Variants in SAMD4A observed in about 807,000 individuals in gnomAD.
SAMD4A encodes the protein sterile alpha motif domain containing 4A, also known as protein Smaug homolog 1.
SAMD4A carries 33 observed loss-of-function variants against 81.3 expected under a neutral mutation model. The ratio of observed to expected loss-of-function variants is 0.41; its 90% confidence interval spans 0.31 to 0.54. The LOEUF (loss-of-function observed/expected upper bound fraction) is 0.54. Ranked by LOEUF, SAMD4A falls within the 20% of genes least tolerant of loss-of-function variation. The pLI is 0.37. For missense variants in SAMD4A, 854 were observed against 951.1 expected, an observed-to-expected ratio of 0.90 and a Z score of 1.34; for synonymous variants, 389 against 382.1, an observed-to-expected ratio of 1.02 and a Z score of -0.21.
chr14:54,602,375 C>CACACACAT (rs1491307995), intron 2 of SAMD4A, among the ~76,000 whole-genome samples: 22 of 134,558 alleles, frequency 1.6e-4, no homozygotes, highest in African/African-American at 5.8e-4. Flanking sequence ...CACACACACA[C>CACACACAT]GAAACACCAG....
chr14:54,785,041 C>T (rs1303760940), intron 12 of SAMD4A, among the ~76,000 whole-genome samples: 2 of 152,238 alleles, frequency 1.3e-5, no homozygotes, highest in Admixed American at 6.5e-5. Context: ...CTAGATCCCC[C>T]AGCCTGGTCC....
chr14:54,579,914 C>T (rs1260618832), intron 2 of SAMD4A, among the ~76,000 whole-genome samples: 1 of 152,204 alleles, frequency 6.6e-6, no homozygotes, highest in Non-Finnish European at 1.5e-5. Context: ...AAGTACCAGT[C>T]TGAGGGCTGT....
chr14:54,573,614 ACTT>A (rs996838678), intron 2 of SAMD4A, among the ~76,000 whole-genome samples: 1 of 152,140 alleles, frequency 6.6e-6, no homozygotes, highest in African/African-American at 2.4e-5. Context: ...TACAATCACT[ACTT>A]TGAGATTTTA....
intron 4 of SAMD4A, among the ~76,000 whole-genome samples, chr14:54,738,544 A>T (rs2140932592): frequency 6.6e-6 from 1 of 152,316 alleles, no homozygotes; most frequent in African/African-American, 2.4e-5. Context: ...AAAGGTATAT[A>T]ACAGGCAGCA....
At chr14:54,608,432 A>G (rs1280760539) in intron 2 of SAMD4A, among the ~76,000 whole-genome samples, 2 of 152,344 alleles carry the variant, frequency 1.3e-5, no homozygotes, top group South Asian at 4.1e-4. Flanking sequence ...CCTGTTGCAT[A>G]TATGTTCTTA....
intron 11 of SAMD4A, among the ~76,000 whole-genome samples, chr14:54,783,945 G>A: frequency 6.6e-6 from 1 of 152,180 alleles, no homozygotes; most frequent in African/African-American, 2.4e-5. Flanking sequence ...AGTAGAAAGT[G>A]AATACAAATA....
intron 11 of SAMD4A, among the ~76,000 whole-genome samples, chr14:54,783,165 A>AC (rs1229191319): frequency 2.6e-5 from 4 of 151,976 alleles, no homozygotes; most frequent in Admixed American, 6.5e-5. Flanking sequence ...TTTAAAAAAA[A>AC]AAAAAAAAAC....
chr14:54,748,621 A>C (rs536937714), intron 4 of SAMD4A, among the ~76,000 whole-genome samples, 194 bp from the exon 5 acceptor site: 16 of 152,258 alleles, frequency 1.1e-4, no homozygotes, highest in Non-Finnish European at 1.5e-4. Flanking sequence ...GCCCACCAGT[A>C]GGAATGTCAG....
intron 2 of SAMD4A, among the ~76,000 whole-genome samples, chr14:54,651,513 A>T (rs2035402839): frequency 6.6e-6 from 1 of 152,222 alleles, no homozygotes; most frequent in South Asian, 2.1e-4. Flanking sequence ...CTAAGGATGA[A>T]TGAGTGCTTT....
chr14:54,735,994 A>C (rs1323484062), intron 3 of SAMD4A, among the ~76,000 whole-genome samples: 2 of 152,216 alleles, frequency 1.3e-5, no homozygotes, highest in African/African-American at 4.8e-5. Context: ...TTAGTACAGC[A>C]GCAGTCAAAA....
intron 2 of SAMD4A, among the ~76,000 whole-genome samples, chr14:54,594,609 G>A (rs1184419241): frequency 1.3e-5 from 2 of 152,148 alleles, no homozygotes; most frequent in African/African-American, 2.4e-5. Context: ...AAAGGGAGGT[G>A]TAAAAGCCCA....
At chr14:54,777,553 A>G (rs775232559) in intron 11 of SAMD4A, among the ~76,000 whole-genome samples, 32 of 152,112 alleles carry the variant, frequency 2.1e-4, no homozygotes, top group Non-Finnish European at 4.1e-4. Flanking sequence ...GTCGTGGCCG[A>G]TGGTGGGGGA....
intron 2 of SAMD4A, among the ~76,000 whole-genome samples, chr14:54,647,957 G>A (rs1020281096): frequency 1.3e-5 from 2 of 152,258 alleles, no homozygotes; most frequent in East Asian, 3.8e-4. Context: ...ATGCATAAAA[G>A]TGGAATGCCC....
At position 54,694,602 on chromosome 14, in the gene SAMD4A, C is replaced by G. The variant is rs531919242; in HGVS notation, c.197-7460C>G. ...GAGAAACCTGGGCTGGAAATACAAACGTGGAGTTGTCTGCATACTCATGGG... is the reference window on the plus strand; with the variant it reads ...GAGAAACCTGGGCTGGAAATACAAAGGTGGAGTTGTCTGCATACTCATGGG... On this transcript the variant is annotated intron_variant, in intron 2 of 12. Transcript: ENST00000554335. 5.6e-4 allele frequency: 554 copies of G among 985,304 alleles called. 1 individual carries two copies. The highest frequency in any genetic ancestry group is 6.4e-4 in the Non-Finnish European group (529 of 829,806). 61.0% of individuals were successfully genotyped at this position (985,304 alleles called of 1,614,324 possible).
rs181914444 is a variant in SAMD4A, at chr14:54,607,958, A to G, written c.196+39846A>G. ...TTGAACCCGGGAGGCAGAGGTTGCAATGAGCCCAGGTCACACCAGTACACT... is the reference window on the plus strand; with the variant it reads ...TTGAACCCGGGAGGCAGAGGTTGCAGTGAGCCCAGGTCACACCAGTACACT... On this transcript the variant is annotated intron_variant, in intron 2 of 12. Transcript: ENST00000554335. Among the ~76,000 whole-genome samples, 226 of 150,152 alleles carry G rather than the reference A, an allele frequency of 1.5e-3. 3 individuals are homozygous for G. Among genetic ancestry groups the G allele is most frequent in the African/African-American group, 5.4e-3 (219 of 40,724 alleles).
Position 54,792,938 on chromosome 14 carries a change from T to C in SAMD4A, c.*3994T>C, listed in dbSNP as rs1168733137. ...AAAAGCTTTCTTTTGTTGCATGCCC[T>C]GTGCAGGCATCTGTATTGTACATGC... On this transcript the variant is annotated 3_prime_UTR_variant, in exon 13 of 13. Transcript: ENST00000554335. The C allele has an allele frequency of 6.6e-6, 1 of 152,258 alleles. No homozygotes were observed. Among genetic ancestry groups the C allele is most frequent in the African/African-American group, 2.4e-5 (1 of 41,474 alleles). 9.4% of individuals were successfully genotyped at this position (152,258 alleles called of 1,614,324 possible). A position where few individuals can be genotyped will look rare whatever the true frequency, so the allele number is the denominator to read the frequency against.
chr14:54,775,174 TCAAGGCC>T (rs1457970804), intron 10 of SAMD4A, 39 bp downstream of exon 10: 6 of 1,611,922 alleles, frequency 3.7e-6, no homozygotes, highest in East Asian at 2.2e-5. Context: ...ATGGCCAAGC[TCAAGGCC>T]CAAGGCTGCA....
intron 2 of SAMD4A, among the ~76,000 whole-genome samples, chr14:54,674,072 G>C (rs949960929): frequency 2.6e-5 from 4 of 152,168 alleles, no homozygotes; most frequent in Admixed American, 1.3e-4. Flanking sequence ...ATCCATTTTA[G>C]CATTCCACTT....
intron 2 of SAMD4A, among the ~76,000 whole-genome samples, chr14:54,700,049 AT>A (rs1428173225): frequency 6.6e-6 from 1 of 152,072 alleles, no homozygotes; most frequent in African/African-American, 2.4e-5. Flanking sequence ...CTCCTTGATC[AT>A]TTTTAGTGAC....
Sources: gnomAD v4.1 joint callset for allele counts (sites outside exome capture counted in the v4.1 genomes callset) on GRCh38, gnomAD v4.1.1 for gene constraint, MANE v1.5 for transcripts, NCBI Gene and HGNC (gene_info 2026-07-23, HGNC 2026-07-21) for gene names.